CNTN5: variants seen among roughly 807,000 people sequenced by gnomAD.
The protein encoded by CNTN5 is contactin-5.
Under a neutral mutation model 129.1 loss-of-function variants are expected in CNTN5, and 77 were observed. The observed-to-expected ratio is 0.60, with a 90% CI of 0.50 to 0.72. The LOEUF is 0.72. CNTN5 is among the 30% of genes least tolerant of loss of function. The pLI is 0.00. For synonymous variants in CNTN5, 509 were observed against 465.6 expected (o/e 1.09, Z -1.20); for missense variants, 1,478 against 1,328.8 (o/e 1.11, Z -1.75).
At chr11:99,204,639 G>A (rs1372605715) in intron 1 of CNTN5, among the ~76,000 whole-genome samples, 3 of 152,172 alleles carry the variant, frequency 2.0e-5, no homozygotes, top group Non-Finnish European at 4.4e-5. Context: ...TGTGATCAGT[G>A]TGCAATGGAA....
intron 3 of CNTN5, among the ~76,000 whole-genome samples, chr11:99,799,745 T>G (rs1301839): frequency 0.7 from 106,104 of 151,896 alleles, 37,103 homozygotes; most frequent in African/African-American, 0.73. Flanking sequence ...GTAACTTGGG[T>G]TGATGCTGCC....
At chr11:99,682,012 A>T (rs1953577154) in intron 3 of CNTN5, among the ~76,000 whole-genome samples, 1 of 152,058 alleles carries the variant, frequency 6.6e-6, no homozygotes, top group African/African-American at 2.4e-5. Flanking sequence ...GGGTAAGCCA[A>T]GCATTTTAGG....
At chr11:99,421,935 A>G (rs1398325992) in intron 2 of CNTN5, among the ~76,000 whole-genome samples, 1 of 152,208 alleles carries the variant, frequency 6.6e-6, no homozygotes, top group Non-Finnish European at 1.5e-5. Context: ...ACAAATTTTC[A>G]GAGTCAAATT....
intron 1 of CNTN5, among the ~76,000 whole-genome samples, chr11:99,154,432 A>T (rs1860234129): frequency 6.6e-6 from 1 of 152,184 alleles, no homozygotes; most frequent in South Asian, 2.1e-4. Flanking sequence ...TTTTGCCAGC[A>T]GTGGCAGCCT....
intron 3 of CNTN5, among the ~76,000 whole-genome samples, chr11:99,814,177 C>A (rs1201095209): frequency 1.3e-5 from 2 of 152,094 alleles, no homozygotes; most frequent in Non-Finnish European, 2.9e-5. Context: ...TACACAAATA[C>A]AGGGATTGGC....
chr11:100,194,027 CCTT>C (rs1199894029), intron 15 of CNTN5, among the ~76,000 whole-genome samples: 1 of 151,948 alleles, frequency 6.6e-6, no homozygotes, highest in African/African-American at 2.4e-5. Context: ...GCCTGCCTGT[CCTT>C]CTCCTCAAGA....
chr11:99,554,434 A>G (rs940523036), intron 2 of CNTN5, among the ~76,000 whole-genome samples: 9 of 152,074 alleles, frequency 5.9e-5, no homozygotes, highest in African/African-American at 1.9e-4. Flanking sequence ...GATGGCTCTC[A>G]ACCCATGTAT....
At chr11:99,400,428 A>G (rs1017019848) in intron 2 of CNTN5, among the ~76,000 whole-genome samples, 3 of 152,050 alleles carry the variant, frequency 2.0e-5, no homozygotes, top group East Asian at 3.9e-4. Context: ...GCCAAATAGT[A>G]CTTCATTGTG....
intron 16 of CNTN5, among the ~76,000 whole-genome samples, chr11:100,233,089 A>G (rs1949527937): frequency 1.3e-5 from 2 of 152,186 alleles, no homozygotes; most frequent in Admixed American, 1.3e-4. Context: ...AAGAATAGTG[A>G]GTAGACTCCA....
intron 7 of CNTN5, among the ~76,000 whole-genome samples, chr11:99,935,323 TAA>T (rs1310173278): frequency 1.3e-5 from 2 of 151,960 alleles, no homozygotes. Flanking sequence ...AAATAGAAGA[TAA>T]GTTAGTTTAT....
chr11:99,999,209 G>T (rs1438764390), intron 8 of CNTN5, among the ~76,000 whole-genome samples: 1 of 152,098 alleles, frequency 6.6e-6, no homozygotes, highest in East Asian at 1.9e-4. Context: ...TACCATCAGA[G>T]TGAACAGGCA....
At chr11:99,116,124 A>G (rs192872720) in intron 1 of CNTN5, among the ~76,000 whole-genome samples, 1 of 152,324 alleles carries the variant, frequency 6.6e-6, no homozygotes, top group Admixed American at 6.5e-5. Flanking sequence ...TTCACAATAT[A>G]GAGAAAATAA....
intron 2 of CNTN5, among the ~76,000 whole-genome samples, chr11:99,481,939 A>G (rs766198350): frequency 6.6e-4 from 101 of 152,290 alleles, no homozygotes; most frequent in Non-Finnish European, 1.4e-3. Flanking sequence ...TTGTGTAATA[A>G]GAACATAATC....
intron 3 of CNTN5, among the ~76,000 whole-genome samples, chr11:99,803,916 C>G (rs1177714558): frequency 6.6e-6 from 1 of 152,184 alleles, no homozygotes; most frequent in Non-Finnish European, 1.5e-5. Flanking sequence ...AACTCTTGCT[C>G]TTTCCAAGTG....
intron 6 of CNTN5, among the ~76,000 whole-genome samples, chr11:99,849,686 T>C (rs1010063513): frequency 3.3e-5 from 5 of 152,302 alleles, no homozygotes; most frequent in East Asian, 1.9e-4. Flanking sequence ...CAAGCTCACA[T>C]TGACAGCTTG....
At chr11:99,409,229 C>T (rs1942275072) in intron 2 of CNTN5, among the ~76,000 whole-genome samples, 1 of 152,166 alleles carries the variant, frequency 6.6e-6, no homozygotes, top group Non-Finnish European at 1.5e-5. Context: ...CTTTGGGAGG[C>T]CATGGTGGGT....
chr11:99,778,412 G>T (rs1163627413), intron 3 of CNTN5, among the ~76,000 whole-genome samples: 1 of 151,740 alleles, frequency 6.6e-6, no homozygotes, highest in African/African-American at 2.4e-5. Context: ...TTATTTCTGA[G>T]TATCTAACAG....
At chr11:99,692,323 T>C (rs1288548933) in intron 3 of CNTN5, among the ~76,000 whole-genome samples, 1 of 152,164 alleles carries the variant, frequency 6.6e-6, no homozygotes, top group African/African-American at 2.4e-5. Flanking sequence ...ATGTAGTTGC[T>C]TCATAGTGTC....
At chr11:99,337,817 T>C (rs1866301750) in intron 2 of CNTN5, among the ~76,000 whole-genome samples, 1 of 152,212 alleles carries the variant, frequency 6.6e-6, no homozygotes, top group African/African-American at 2.4e-5. Context: ...AGTCTTTTTT[T>C]GGAATATTGA....
Sources: allele counts gnomAD v4.1 joint callset (sites outside exome capture counted in the v4.1 genomes callset), GRCh38; gene constraint gnomAD v4.1.1; transcripts MANE v1.5; gene names NCBI Gene and HGNC (gene_info 2026-07-23, HGNC 2026-07-21).